Variants in EXOC2 observed in about 807,000 individuals in gnomAD.
EXOC2 encodes exocyst complex component 2.
A neutral mutation model predicts 131.8 loss-of-function variants in EXOC2; 70 were observed. That is an observed-to-expected ratio of 0.53 (90% CI 0.44 to 0.65). EXOC2 has a LOEUF of 0.65. EXOC2 is among the 30% of genes least tolerant of loss of function. The pLI is 0.00. For missense variants in EXOC2, 923 were observed against 1,108.6 expected, an observed-to-expected ratio of 0.83 and a Z score of 2.38; for synonymous variants, 411 against 398.4, an observed-to-expected ratio of 1.03 and a Z score of -0.38.
intron 22 of EXOC2, among the ~76,000 whole-genome samples, chr6:540,291 C>T (rs930491320): frequency 1.3e-5 from 2 of 152,142 alleles, no homozygotes; most frequent in South Asian, 2.1e-4. Context: ...ACCTCACATC[C>T]TATATATTAG....
At chr6:636,292 T>C (rs2127713495) in intron 2 of EXOC2, among the ~76,000 whole-genome samples, 1 of 152,366 alleles carries the variant, frequency 6.6e-6, no homozygotes, top group East Asian at 1.9e-4. Flanking sequence ...GAATGAGCTT[T>C]ATCAAAAACC....
At chr6:619,119 C>A (rs971282247) in intron 5 of EXOC2, among the ~76,000 whole-genome samples, 15 of 152,148 alleles carry the variant, frequency 9.9e-5, no homozygotes, top group African/African-American at 3.6e-4. Context: ...AGGGAGAGAT[C>A]ACATTCATAC....
chr6:629,979 A>G lies in EXOC2; in HGVS notation c.296-18T>C, dbSNP rs1332062821. The G allele has an allele frequency of 4.3e-6, 7 of 1,612,696 alleles. No individual in the cohort carries two copies. In the South Asian group the frequency reaches 4.4e-5, roughly 10 times the overall value. ...CAAAATGCCTACAGAAATGAGGAGC[A>G]TATGCTTAATAAGATGAAGCCTACC... On this transcript the variant is annotated intron_variant, in intron 3 of 27. Coordinates refer to ENST00000230449, the MANE Select transcript of EXOC2 (RefSeq NM_018303.6).
intron 25 of EXOC2, among the ~76,000 whole-genome samples, chr6:496,043 A>G (rs1232619241): frequency 1.3e-5 from 2 of 151,942 alleles, no homozygotes; most frequent in African/African-American, 2.4e-5. Context: ...CAGAAATTCC[A>G]TTTAGTTCCT....
chr6:572,356 C>T (rs1472767350), intron 13 of EXOC2, among the ~76,000 whole-genome samples, 164 bp downstream of exon 13: 1 of 152,184 alleles, frequency 6.6e-6, no homozygotes, highest in Non-Finnish European at 1.5e-5. Context: ...GGTCACACAG[C>T]TACTAAGTGA....
intron 7 of EXOC2, among the ~76,000 whole-genome samples, chr6:605,978 G>A (rs1178461264): frequency 6.6e-6 from 1 of 152,196 alleles, no homozygotes; most frequent in Non-Finnish European, 1.5e-5. Context: ...TCATTCAGGA[G>A]CAGGTTGTTC....
Position 656,560 on chromosome 6 carries a change from C to A in EXOC2, c.-43-18699G>T, listed in dbSNP as rs370937142. ...AGCACCCGCACGGGCAGATCGTGCA[C>A]CACGCTGCGAGCGCGGCCCAGGGAC... is the stretch of plus-strand genomic sequence containing the variant. On this transcript the variant is annotated intron_variant, in intron 1 of 27. Transcript: ENST00000230449. 7.5e-6 allele frequency: 12 copies of A among 1,594,594 alleles called. No homozygotes were observed. In the African/African-American group the frequency reaches 1.3e-4, roughly 18 times the overall value.
intron 1 of EXOC2, among the ~76,000 whole-genome samples, chr6:658,668 T>TTTATATATATATATATATATATATATA (rs1561983465): frequency 3.9e-5 from 5 of 128,024 alleles, no homozygotes; most frequent in African/African-American, 5.8e-5. Flanking sequence ...TATATATATT[T>TTTATATATATATATATATATATATATA]TTTTTTTTTT....
At chr6:544,084 C>A (rs956243507) in intron 22 of EXOC2, among the ~76,000 whole-genome samples, 7 of 152,176 alleles carry the variant, frequency 4.6e-5, no homozygotes, top group African/African-American at 1.7e-4. Flanking sequence ...ATTTTGTTGG[C>A]TTGGGTTCAA....
At chr6:688,445 G>A (rs777675591) in intron 1 of EXOC2, among the ~76,000 whole-genome samples, 1 of 152,170 alleles carries the variant, frequency 6.6e-6, no homozygotes, top group Non-Finnish European at 1.5e-5. Context: ...GAACAACAAC[G>A]ATACAACTGA....
rs910997756 is a variant in EXOC2, at chr6:556,018, A to G, written c.1933-5T>C. 1.2e-6 allele frequency: 2 copies of G among 1,613,734 alleles called. No individual in the cohort carries two copies. The highest frequency in any genetic ancestry group is 8.5e-7 in the Non-Finnish European group (1 of 1,179,878). On this transcript the variant is annotated splice_region_variant and splice_polypyrimidine_tract_variant and intron_variant, in intron 18 of 27. Transcript: ENST00000230449. ...TGTTTTAGGTTGTTGGAAGACCTGT[A>G]AGGAAGAATTTTGATGAAAATTTTT...
At chr6:612,724 T>G (rs980016428) in intron 6 of EXOC2, among the ~76,000 whole-genome samples, 12 of 152,128 alleles carry the variant, frequency 7.9e-5, no homozygotes, top group Non-Finnish European at 1.2e-4. Flanking sequence ...CACACAGAGT[T>G]AAGCAGCAGC....
rs377146597 is a variant in EXOC2 at position 565,037 on chromosome 6, TA to T, written c.1444-109del. The T allele has an allele frequency of 2.0e-4, 161 of 790,834 alleles. No homozygotes were observed. In the East Asian group the frequency reaches 4.1e-3, roughly 20 times the overall value. 49.0% of individuals were successfully genotyped at this position (790,834 alleles called of 1,614,324 possible). The stretch of plus-strand genomic sequence containing the variant: ...ACATTAAATATGGTTATAACTTGAT[TA>T]AAAGAAATGCTTAAGACATAATCTA... On this transcript the variant is annotated intron_variant, in intron 13 of 27. Transcript: ENST00000230449.
chr6:577,141 C>G (rs1758629291), intron 11 of EXOC2, among the ~76,000 whole-genome samples: 1 of 152,182 alleles, frequency 6.6e-6, no homozygotes, highest in Non-Finnish European at 1.5e-5. Flanking sequence ...TTTTGCAAAA[C>G]AACTTTTGGC....
chr6:612,482 T>C (rs553540009), intron 6 of EXOC2, among the ~76,000 whole-genome samples: 128 of 152,364 alleles, frequency 8.4e-4, no homozygotes, highest in African/African-American at 2.9e-3. Context: ...AGACAAATCA[T>C]ATATAAATTA....
intron 20 of EXOC2, among the ~76,000 whole-genome samples, chr6:554,818 T>A (rs1757334624): frequency 6.6e-6 from 1 of 152,196 alleles, no homozygotes; most frequent in Non-Finnish European, 1.5e-5. Context: ...AGAGCTAACA[T>A]GTGTCCACTG....
rs755368147 is a variant in EXOC2, at chr6:596,520, C to T, written c.1073+1501G>A. ...GTGGCTGGGTCTACAGGCATGCATC[C>T]CCGCATCTGGCTAATTTTTGATTTT... On this transcript the variant is annotated intron_variant, in intron 10 of 27. Coordinates refer to ENST00000230449, the MANE Select transcript of EXOC2 (RefSeq NM_018303.6). Among the ~76,000 whole-genome samples, 38 of 150,220 alleles carry T rather than the reference C, an allele frequency of 2.5e-4. 1 individual carries two copies. Among genetic ancestry groups the T allele is most frequent in the Non-Finnish European group, 4.6e-4 (31 of 67,982 alleles).
At chr6:617,299 C>T (rs1444467933) in intron 6 of EXOC2, among the ~76,000 whole-genome samples, 5 of 152,242 alleles carry the variant, frequency 3.3e-5, no homozygotes, top group African/African-American at 7.2e-5. Flanking sequence ...TGCGTGCATA[C>T]GTGGGCGCCT....
chr6:544,596 G>T (rs1019891135), intron 22 of EXOC2, among the ~76,000 whole-genome samples: 3 of 152,138 alleles, frequency 2.0e-5, no homozygotes, highest in Non-Finnish European at 2.9e-5. Context: ...CATATATATA[G>T]AGATAATACA....
Sources: allele counts gnomAD v4.1 joint callset (sites outside exome capture counted in the v4.1 genomes callset), GRCh38; gene constraint gnomAD v4.1.1; transcripts MANE v1.5; gene names NCBI Gene and HGNC (gene_info 2026-07-23, HGNC 2026-07-21).